Variants in ABCG2 observed in about 807,000 individuals in gnomAD.
ABCG2 encodes the protein ATP binding cassette subfamily G member 2 (JR blood group), also known as broad substrate specificity ATP-binding cassette transporter ABCG2.
ABCG2 carries 80 observed loss-of-function variants against 73.5 expected under a neutral mutation model. That is an observed-to-expected ratio of 1.09 (90% CI 0.91 to 1.31). The LOEUF is 1.31. Ranked by LOEUF, ABCG2 falls within the 50% of genes most tolerant of loss-of-function variation. The pLI is 0.00. For synonymous variants in ABCG2, 269 were observed against 282.4 expected, an observed-to-expected ratio of 0.95 and a Z score of 0.48; for missense variants, 796 against 786.2, an observed-to-expected ratio of 1.01 and a Z score of -0.15.
chr4:88,145,196 G>A (rs1187104047), intron 1 of ABCG2, among the ~76,000 whole-genome samples: 1 of 152,128 alleles, frequency 6.6e-6, no homozygotes, highest in Non-Finnish European at 1.5e-5. Flanking sequence ...TGTTTACTGA[G>A]GTTAATCTCA....
chr4:88,124,719 C>T (rs1442700090), intron 5 of ABCG2, among the ~76,000 whole-genome samples: 1 of 152,110 alleles, frequency 6.6e-6, no homozygotes, highest in African/African-American at 2.4e-5. Context: ...TAGTGGGAAA[C>T]TTTTAACACC....
At position 88,140,241 on chromosome 4, in the gene ABCG2, TAATAAGTAAATGGGTCCTAATAAGTA is replaced by T. The variant is rs527237390; in HGVS notation, c.-19-253_-19-228del. ...TCCAATTAGATGTCAAATACATCCC[TAATAAGTAAATGGGTCCTAATAAGTA>T]AATAGGAAGAGTATGAAAATTACAA... On this transcript the variant is annotated intron_variant, in intron 1 of 15. Coordinates refer to ENST00000237612, the MANE Select transcript of ABCG2 (RefSeq NM_004827.3). 2.2e-4 allele frequency among the ~76,000 whole-genome samples: 34 copies of T among 152,268 alleles called. 1 individual carries two copies. In the East Asian group the frequency reaches 6.6e-3, roughly 29 times the overall value.
At chr4:88,118,348 T>C (rs2231146) in intron 6 of ABCG2, 88 bp from the exon 7 acceptor site, 27,340 of 1,402,852 alleles carry the variant, frequency 0.019, 981 homozygotes, top group East Asian at 0.17. Context: ...CTTTAGATTG[T>C]TTGCTCTAGT....
intron 1 of ABCG2, among the ~76,000 whole-genome samples, chr4:88,203,570 A>G (rs548591055): frequency 7.9e-5 from 12 of 152,176 alleles, no homozygotes; most frequent in African/African-American, 2.9e-4. Context: ...CCTGGCCAAC[A>G]TGGGGAAACC....
At chr4:88,226,119 C>T (rs1202221126) in intron 1 of ABCG2, among the ~76,000 whole-genome samples, 1 of 152,198 alleles carries the variant, frequency 6.6e-6, no homozygotes, top group Non-Finnish European at 1.5e-5. Flanking sequence ...TTATTTCTCT[C>T]TGGGACTATT....
chr4:88,172,592 A>T (rs868122795), intron 1 of ABCG2, among the ~76,000 whole-genome samples: 1 of 150,746 alleles, frequency 6.6e-6, no homozygotes, highest in African/African-American at 2.4e-5. Context: ...AAAAAAAAAA[A>T]AATTAATTAA....
At chr4:88,102,827 C>A (rs1722521964) in intron 10 of ABCG2, among the ~76,000 whole-genome samples, 1 of 151,822 alleles carries the variant, frequency 6.6e-6, no homozygotes, top group East Asian at 1.9e-4. Flanking sequence ...CCCAAGTGAA[C>A]AACACAATTA....
chr4:88,135,163 T>C (rs1725156234), intron 2 of ABCG2, among the ~76,000 whole-genome samples: 1 of 152,186 alleles, frequency 6.6e-6, no homozygotes, highest in South Asian at 2.1e-4. Flanking sequence ...TAGTCTATGG[T>C]CTACAATTCA....
At chr4:88,127,300 C>G (rs565650427) in intron 5 of ABCG2, among the ~76,000 whole-genome samples, 95 of 152,266 alleles carry the variant, frequency 6.2e-4, no homozygotes, top group African/African-American at 2.1e-3. Context: ...ACATTTCATG[C>G]TCATGGATAG....
intron 1 of ABCG2, among the ~76,000 whole-genome samples, chr4:88,155,192 G>A (rs180859564): frequency 6.6e-6 from 1 of 152,288 alleles, no homozygotes; most frequent in East Asian, 1.9e-4. Flanking sequence ...GCTTTGTTAG[G>A]ATGGCGAAAC....
chr4:88,095,106 A>G (rs1265773639), intron 14 of ABCG2, among the ~76,000 whole-genome samples: 1 of 152,232 alleles, frequency 6.6e-6, no homozygotes. Flanking sequence ...CAGATAGTTT[A>G]CTTTGGAGTT....
chr4:88,151,468 G>A (rs72554037), intron 1 of ABCG2, among the ~76,000 whole-genome samples: 8,142 of 152,292 alleles, frequency 0.053, 309 homozygotes, highest in South Asian at 0.13. Context: ...GCTGGGTGCA[G>A]TGGCTCATGC....
chr4:88,205,831 C>T (rs1223423421), intron 1 of ABCG2, among the ~76,000 whole-genome samples: 6 of 152,244 alleles, frequency 3.9e-5, no homozygotes, highest in South Asian at 2.1e-4. Context: ...CACAGGTGCA[C>T]GCCACCACAC....
Position 88,113,433 on chromosome 4 carries a change from C to G in ABCG2, c.1064G>C (p.Gly355Ala), listed in dbSNP as rs1412576173. 6.2e-7 allele frequency: 1 copy of G among 1,614,072 alleles called. No individual in the cohort carries two copies. The highest frequency in any genetic ancestry group is 1.6e-4 in the Middle Eastern group (1 of 6,062). ...GACTGTGATCTTCTTCTTCTTCTCA[C>G]CCCCGGAAAGTTGATGTAATTCAGC... ...TKAELHQLSG[G>A]EKKKKITVFK... Residue 355 changes from glycine to alanine, a missense_variant, in exon 9 of 16, where the codon GGT becomes GCT. Coordinates refer to ENST00000237612, the MANE Select transcript of ABCG2 (RefSeq NM_004827.3).
chr4:88,149,970 A>T (rs897882249), intron 1 of ABCG2, among the ~76,000 whole-genome samples: 1 of 152,142 alleles, frequency 6.6e-6, no homozygotes, highest in African/African-American at 2.4e-5. Context: ...GTGAGGTTAC[A>T]TATGAAAAAT....
chr4:88,184,233 T>C (rs1357529325), intron 1 of ABCG2, among the ~76,000 whole-genome samples: 1 of 151,950 alleles, frequency 6.6e-6, no homozygotes, highest in Non-Finnish European at 1.5e-5. Context: ...GAGAAAAAAA[T>C]AAAGGGCATC....
At chr4:88,207,564 G>A (rs2110119914) in intron 1 of ABCG2, among the ~76,000 whole-genome samples, 1 of 152,168 alleles carries the variant, frequency 6.6e-6, no homozygotes, top group South Asian at 2.1e-4. Context: ...CTTCTCTTCA[G>A]ACAGAGTCTT....
intron 1 of ABCG2, among the ~76,000 whole-genome samples, chr4:88,177,388 T>TA (rs141188215): frequency 0.24 from 35,297 of 148,720 alleles, 4,774 homozygotes; most frequent in Non-Finnish European, 0.31. Flanking sequence ...AAAAAAAAAT[T>TA]AAAAAAAAAA....
upstream of ABCG2, chr4:88,163,679 A>G: frequency 3.0e-6 from 1 of 331,760 alleles, no homozygotes; most frequent in South Asian, 2.7e-5. Context: ...AAGCGCATTC[A>G]TAGAGTGGGC....
Sources: allele counts gnomAD v4.1 joint callset (sites outside exome capture counted in the v4.1 genomes callset), GRCh38; gene constraint gnomAD v4.1.1; transcripts MANE v1.5; gene names NCBI Gene and HGNC (gene_info 2026-07-23, HGNC 2026-07-21).